DCLK1: variants seen among roughly 807,000 people sequenced by gnomAD.
DCLK1 encodes the protein serine/threonine-protein kinase DCLK1.
A neutral mutation model predicts 86.2 loss-of-function variants in DCLK1; 16 were observed. The observed-to-expected ratio is 0.19, with a 90% CI of 0.13 to 0.28. The LOEUF (loss-of-function observed/expected upper bound fraction) is 0.28, where lower values mean the gene tolerates loss of function less well. DCLK1 is among the 10% of genes least tolerant of loss of function. The pLI is 1.00. For synonymous variants in DCLK1, 369 were observed against 370.5 expected (o/e 1.00, Z 0.05); for missense variants, 590 against 940.2 (o/e 0.63, Z 4.87).
At chr13:35,933,998 C>T (rs1876616254) in intron 4 of DCLK1, among the ~76,000 whole-genome samples, 1 of 152,162 alleles carries the variant, frequency 6.6e-6, no homozygotes, top group Non-Finnish European at 1.5e-5. Flanking sequence ...CTCTTGAATG[C>T]TTTGATGCTT....
At chr13:35,910,765 T>C (rs188607513) in intron 4 of DCLK1, among the ~76,000 whole-genome samples, 21 of 152,186 alleles carry the variant, frequency 1.4e-4, no homozygotes, top group Non-Finnish European at 2.8e-4. Context: ...GACCAGAAAT[T>C]GCTGGAGGCA....
At chr13:35,976,484 G>A (rs1048143023) in intron 3 of DCLK1, among the ~76,000 whole-genome samples, 6 of 149,848 alleles carry the variant, frequency 4.0e-5, no homozygotes, top group Non-Finnish European at 8.9e-5. Flanking sequence ...TTCTGTGAGT[G>A]ACCCTGAGAA....
At chr13:35,914,161 A>T (rs1334229424) in intron 4 of DCLK1, among the ~76,000 whole-genome samples, 1 of 151,576 alleles carries the variant, frequency 6.6e-6, no homozygotes, top group Non-Finnish European at 1.5e-5. Context: ...TCTACAAAAA[A>T]TACAAATATT....
intron 4 of DCLK1, among the ~76,000 whole-genome samples, chr13:35,925,903 G>GT (rs1876084863): frequency 6.6e-6 from 1 of 152,152 alleles, no homozygotes; most frequent in Non-Finnish European, 1.5e-5. Context: ...AATTCTGTTA[G>GT]TGTTTCCCAT....
intron 4 of DCLK1, among the ~76,000 whole-genome samples, chr13:35,938,526 G>A (rs1489016897): frequency 6.6e-6 from 1 of 152,070 alleles, no homozygotes; most frequent in Non-Finnish European, 1.5e-5. Flanking sequence ...CTACTCGGGA[G>A]GCTGAGGCAG....
At chr13:35,800,231 T>C (rs1441365712) in intron 15 of DCLK1, among the ~76,000 whole-genome samples, 3 of 152,362 alleles carry the variant, frequency 2.0e-5, no homozygotes, top group Admixed American at 2.0e-4. Context: ...GCTAAGTACC[T>C]ACAAGGTGCT....
intron 5 of DCLK1, among the ~76,000 whole-genome samples, chr13:35,867,642 C>T (rs898889678): frequency 2.0e-5 from 3 of 152,000 alleles, no homozygotes; most frequent in African/African-American, 7.3e-5. Flanking sequence ...AATATATTCG[C>T]CTATCTTCTT....
intron 2 of DCLK1, among the ~76,000 whole-genome samples, chr13:36,113,930 G>A (rs57088569): frequency 6.6e-6 from 1 of 152,320 alleles, no homozygotes; most frequent in African/African-American, 2.4e-5. Context: ...CCATGTCAAT[G>A]TGAGAATGCC....
intron 5 of DCLK1, among the ~76,000 whole-genome samples, chr13:35,862,986 AT>A (rs1244261023): frequency 6.6e-6 from 1 of 152,166 alleles, no homozygotes; most frequent in African/African-American, 2.4e-5. Flanking sequence ...ACAATTCTGT[AT>A]TTTCACTGCA....
rs67600362 is a variant in DCLK1, at chr13:35,959,854, C to CGTGTGT, written c.724-12403_724-12398dup. Among the ~76,000 whole-genome samples, 522 of 149,378 alleles carry CGTGTGT rather than the reference C, an allele frequency of 3.5e-3. 5 individuals are homozygous for CGTGTGT. Among genetic ancestry groups the CGTGTGT allele is most frequent in the Middle Eastern group, 0.028 (8 of 290 alleles). ...TCATGAAAAAACCAATACAGCAAGT[C>CGTGTGT]GTGTGTGTGTGTGTGTGTGTGTGTG... On this transcript the variant is annotated intron_variant, in intron 3 of 16. Coordinates refer to ENST00000360631, the MANE Select transcript of DCLK1 (RefSeq NM_001330071.2).
At chr13:36,107,858 A>G (rs1214263930) in intron 3 of DCLK1, among the ~76,000 whole-genome samples, 3 of 152,100 alleles carry the variant, frequency 2.0e-5, no homozygotes, top group Non-Finnish European at 4.4e-5. Flanking sequence ...TTATACTCCA[A>G]ATGGCCTCTG....
intron 10 of DCLK1, among the ~76,000 whole-genome samples, chr13:35,825,318 G>T (rs2087493540): frequency 6.6e-6 from 1 of 152,134 alleles, no homozygotes; most frequent in Non-Finnish European, 1.5e-5. Context: ...AGGGCGTTCT[G>T]GGTGAGATTA....
chr13:35,971,625 T>G (rs190434039), intron 3 of DCLK1, among the ~76,000 whole-genome samples: 150 of 152,196 alleles, frequency 9.9e-4, no homozygotes, highest in African/African-American at 3.4e-3. Context: ...TAGCCAGGCA[T>G]GGTGATGGAT....
intron 4 of DCLK1, 130 bp from the exon 5 acceptor site, chr13:35,871,470 G>GT: frequency 1.3e-6 from 1 of 773,450 alleles, no homozygotes; most frequent in Non-Finnish European, 2.2e-6. Context: ...CACCAGCTGG[G>GT]TTCTTGTCTA....
rs959715776 is a variant in DCLK1, at chr13:36,037,652, T to C, written c.723+74217A>G. Among the ~76,000 whole-genome samples the C allele has an allele frequency of 1.3e-4, 19 of 151,890 alleles. 1 individual carries two copies. The highest frequency in any genetic ancestry group is 1.1e-3 in the Admixed American group (17 of 15,248). ...GTGTGCATCACCACACCCAGTTAAT[T>C]TTTGTATTTTTAGTAGAGACGGAGT... On this transcript the variant is annotated intron_variant, in intron 3 of 16. Coordinates refer to ENST00000360631, the MANE Select transcript of DCLK1 (RefSeq NM_001330071.2).
intron 6 of DCLK1, among the ~76,000 whole-genome samples, chr13:35,852,756 G>A (rs1362155017): frequency 6.6e-6 from 1 of 152,160 alleles, no homozygotes; most frequent in African/African-American, 2.4e-5. Flanking sequence ...GCCAAGAAAG[G>A]GACATCTGAG....
intron 3 of DCLK1, among the ~76,000 whole-genome samples, chr13:36,055,894 A>G (rs2153158073): frequency 6.6e-6 from 1 of 152,320 alleles, no homozygotes; most frequent in South Asian, 2.1e-4. Flanking sequence ...AAAATTAACC[A>G]TATAATGATT....
At chr13:35,877,467 C>G (rs1872653370) in intron 4 of DCLK1, among the ~76,000 whole-genome samples, 1 of 152,226 alleles carries the variant, frequency 6.6e-6, no homozygotes, top group Non-Finnish European at 1.5e-5. Flanking sequence ...CTTAGACCTT[C>G]TGGAGAATCT....
At chr13:36,114,960 G>T (rs1232653166) in intron 2 of DCLK1, among the ~76,000 whole-genome samples, 2 of 152,164 alleles carry the variant, frequency 1.3e-5, no homozygotes, top group Non-Finnish European at 2.9e-5. Context: ...TTTTTAGAGT[G>T]CATTCAAGTA....
Sources: gnomAD v4.1 joint callset for allele counts (sites outside exome capture counted in the v4.1 genomes callset) on GRCh38, gnomAD v4.1.1 for gene constraint, MANE v1.5 for transcripts, NCBI Gene and HGNC (gene_info 2026-07-23, HGNC 2026-07-21) for gene names.